The following PDE4D variants were observed in gnomAD, a reference collection of about 807,000 sequenced individuals.
PDE4D encodes the protein phosphodiesterase 4D, also known as 3',5'-cyclic-AMP phosphodiesterase 4D.
Under a neutral mutation model 87.4 loss-of-function variants are expected in PDE4D, and 24 were observed. The observed-to-expected ratio is 0.27, with a 90% CI of 0.20 to 0.39. The LOEUF (loss-of-function observed/expected upper bound fraction) is 0.39, where lower values mean the gene tolerates loss of function less well. Ranked by LOEUF, PDE4D falls within the 10% of genes least tolerant of loss-of-function variation. The pLI is 1.00. For missense variants in PDE4D, 714 were observed against 1,041.0 expected (o/e 0.69, Z 4.32); for synonymous variants, 384 against 383.2 (o/e 1.00, Z -0.02).
At chr5:59,779,880 A>G (rs1222988477) in intron 1 of PDE4D, among the ~76,000 whole-genome samples, 1 of 152,212 alleles carries the variant, frequency 6.6e-6, no homozygotes, top group Non-Finnish European at 1.5e-5. Flanking sequence ...CAGCATTTTT[A>G]AATTTTAATA....
At chr5:59,540,408 T>A (rs1368661711) in intron 1 of PDE4D, among the ~76,000 whole-genome samples, 1 of 152,072 alleles carries the variant, frequency 6.6e-6, no homozygotes, top group Non-Finnish European at 1.5e-5. Flanking sequence ...TTTCTGCAAG[T>A]TAAAAAATTA....
chr5:59,395,307 C>CA (rs1429618521), intron 1 of PDE4D, among the ~76,000 whole-genome samples: 9 of 152,326 alleles, frequency 5.9e-5, no homozygotes, highest in African/African-American at 2.2e-4. Context: ...AAAAAGACAG[C>CA]AGTAACCTCT....
At position 59,507,331 on chromosome 5, in the gene PDE4D, CAAACAAAACA is replaced by C. The variant is rs536321342; in HGVS notation, c.456-291373_456-291364del. On this transcript the variant is annotated intron_variant, in intron 1 of 14. Transcript: ENST00000340635. ...TGGGCAAAGCAGTGGAACTCTTTCT[CAAACAAAACA>C]AAACAAAACAAAACAAAACAATAAA... is the stretch of plus-strand genomic sequence containing the variant. Among the ~76,000 whole-genome samples, 42 of 151,646 alleles carry C rather than the reference CAAACAAAACA, an allele frequency of 2.8e-4. No individual in the cohort carries two copies. The Middle Eastern group carries it at 0.01, about 37-fold the overall frequency.
At chr5:60,038,811 A>G (rs978704649) in intron 2 of PDE4D, among the ~76,000 whole-genome samples, 1 of 151,928 alleles carries the variant, frequency 6.6e-6, no homozygotes, top group African/African-American at 2.4e-5. Context: ...GAAGACATTT[A>G]TGCAGCCAAA....
At chr5:59,598,050 C>T (rs1826958441) in intron 1 of PDE4D, among the ~76,000 whole-genome samples, 2 of 152,122 alleles carry the variant, frequency 1.3e-5, no homozygotes, top group Non-Finnish European at 2.9e-5. Context: ...ACGTCCCAAA[C>T]TGATGAGACA....
chr5:59,215,086 A>G (rs1750933902), intron 2 of PDE4D, among the ~76,000 whole-genome samples: 1 of 152,220 alleles, frequency 6.6e-6, no homozygotes, highest in Admixed American at 6.5e-5. Flanking sequence ...ACCTATGTAG[A>G]AAAACATGCA....
chr5:59,127,493 G>C (rs1048784900), intron 5 of PDE4D, among the ~76,000 whole-genome samples: 9 of 151,724 alleles, frequency 5.9e-5, no homozygotes, highest in Admixed American at 1.3e-4. Context: ...TGAGTGAGCG[G>C]GCGTGTGCAC....
chr5:59,919,582 T>C (rs1754445868), intron 3 of PDE4D, among the ~76,000 whole-genome samples: 1 of 152,192 alleles, frequency 6.6e-6, no homozygotes, highest in Non-Finnish European at 1.5e-5. Flanking sequence ...TCTGACATTG[T>C]TCCATCTAAT....
intron 1 of PDE4D, among the ~76,000 whole-genome samples, chr5:59,607,748 C>T (rs75585970): frequency 1.8e-3 from 277 of 152,042 alleles, no homozygotes; most frequent in African/African-American, 6.1e-3. Flanking sequence ...CAAGGAACCA[C>T]AATGCGGAAA....
chr5:59,595,771 G>C (rs183505068), intron 1 of PDE4D, among the ~76,000 whole-genome samples: 3 of 151,952 alleles, frequency 2.0e-5, no homozygotes, highest in Non-Finnish European at 4.4e-5. Context: ...CTTTAGTTTT[G>C]ATCCACCTTT....
chr5:60,497,395 T>C (rs576448793), intron 1 of PDE4D, among the ~76,000 whole-genome samples: 7 of 151,966 alleles, frequency 4.6e-5, no homozygotes, highest in East Asian at 3.9e-4. Flanking sequence ...TTGTCTTTCT[T>C]TTTTTTTGTT....
intron 1 of PDE4D, among the ~76,000 whole-genome samples, chr5:59,258,545 A>G (rs1761388173): frequency 6.6e-6 from 1 of 151,630 alleles, no homozygotes; most frequent in African/African-American, 2.4e-5. Flanking sequence ...GAACTATTTT[A>G]TATATAAAAG....
At chr5:59,170,367 T>C (rs1210477318) in intron 5 of PDE4D, among the ~76,000 whole-genome samples, 3 of 152,168 alleles carry the variant, frequency 2.0e-5, no homozygotes, top group Admixed American at 1.3e-4. Flanking sequence ...ATTTTTGTCA[T>C]AGGCTCAATA....
chr5:60,439,503 A>G (rs887257632), intron 1 of PDE4D, among the ~76,000 whole-genome samples: 4 of 152,118 alleles, frequency 2.6e-5, no homozygotes, highest in Non-Finnish European at 4.4e-5. Flanking sequence ...AGAGTTTTGT[A>G]TTGTCAGGTA....
chr5:59,282,440 A>C (rs1416757620), intron 1 of PDE4D, among the ~76,000 whole-genome samples: 1 of 152,006 alleles, frequency 6.6e-6, no homozygotes, highest in Admixed American at 6.5e-5. Context: ...CAGGAGTTTG[A>C]GACCAGCCTG....
At chr5:60,355,619 C>T (rs1195839549) in intron 1 of PDE4D, among the ~76,000 whole-genome samples, 3 of 151,900 alleles carry the variant, frequency 2.0e-5, no homozygotes, top group Non-Finnish European at 2.9e-5. Context: ...TTTTGACTCC[C>T]AAAAAACTTA....
chr5:60,049,316 C>T (rs4700357), intron 2 of PDE4D, among the ~76,000 whole-genome samples: 47,714 of 151,886 alleles, frequency 0.31, 8,082 homozygotes, highest in East Asian at 0.74. Context: ...TTTGAATGTC[C>T]TCCAGTACCT....
chr5:59,038,768 A>G, intron 6 of PDE4D, 91 bp downstream of exon 6: 2 of 1,251,590 alleles, frequency 1.6e-6, no homozygotes, highest in Non-Finnish European at 2.1e-6. Context: ...AAAACCTCTC[A>G]ATTTATTTCC....
chr5:59,189,498 T>G (rs1743824439), intron 3 of PDE4D, among the ~76,000 whole-genome samples: 1 of 152,116 alleles, frequency 6.6e-6, no homozygotes, highest in Non-Finnish European at 1.5e-5. Flanking sequence ...CATTACACAC[T>G]TCCACATGAA....
Sources: allele counts gnomAD v4.1 joint callset (sites outside exome capture counted in the v4.1 genomes callset), GRCh38; gene constraint gnomAD v4.1.1; transcripts MANE v1.5; gene names NCBI Gene and HGNC (gene_info 2026-07-23, HGNC 2026-07-21).